The following BEAN1 variants were observed in gnomAD, a reference collection of about 807,000 sequenced individuals.
BEAN1 encodes the protein brain expressed associated with NEDD4 1.
A neutral mutation model predicts 17.7 loss-of-function variants in BEAN1; 17 were observed. The ratio of observed to expected loss-of-function variants is 0.96; its 90% CI spans 0.66 to 1.44. The LOEUF (loss-of-function observed/expected upper bound fraction) is 1.44, where lower values mean the gene tolerates loss of function less well. BEAN1 is among the 40% of genes most tolerant of loss of function. The probability of loss-of-function intolerance (pLI) is 0.00; values close to 1 mark genes in which losing one functional copy is unlikely to be tolerated. For synonymous variants in BEAN1, 142 were observed against 151.8 expected, an observed-to-expected ratio of 0.94 and a Z score of 0.47; for missense variants, 359 against 374.1, an observed-to-expected ratio of 0.96 and a Z score of 0.33.
At chr16:66,478,617 AAAT>A (rs896625268) in intron 4 of BEAN1, among the ~76,000 whole-genome samples, 49 of 152,046 alleles carry the variant, frequency 3.2e-4, no homozygotes, top group African/African-American at 1.2e-3. Context: ...AATAATAATA[AAAT>A]AATAATAATA....
intron 2 of BEAN1, among the ~76,000 whole-genome samples, chr16:66,439,938 T>G (rs1311867781): frequency 1.3e-5 from 2 of 152,056 alleles, no homozygotes; most frequent in Admixed American, 6.5e-5. Flanking sequence ...CAAATTCTTC[T>G]CACATTGTCC....
intron 2 of BEAN1, among the ~76,000 whole-genome samples, chr16:66,439,622 A>G (rs1439724413): frequency 6.6e-6 from 1 of 152,154 alleles, no homozygotes; most frequent in East Asian, 1.9e-4. Context: ...GTGGTCACTG[A>G]CATTCGAGGC....
chr16:66,477,678 G>C lies in BEAN1; in HGVS notation c.408G>C (p.Val136=). The C allele has an allele frequency of 7.7e-6, 12 of 1,550,196 alleles. No homozygotes were observed. Among genetic ancestry groups the C allele is most frequent in the Non-Finnish European group, 9.6e-6 (11 of 1,146,332 alleles). ...ISSDGDVDAT[V]LRELYPDSPP... ...CTGACGGGGACGTGGATGCCACGGT[G>C]CTCAGGGAGCTGTACCCAGATTCTC... The change falls in exon 4 of 5, where the codon GTG becomes GTC. Residue 136 remains valine, a synonymous_variant. Coordinates refer to ENST00000536005, the MANE Select transcript of BEAN1 (RefSeq NM_001178020.3).
At chr16:66,480,560 C>T in intron 4 of BEAN1, 26 bp from the exon 5 acceptor site, 1 of 1,489,522 alleles carries the variant, frequency 6.7e-7, no homozygotes, top group Non-Finnish European at 9.1e-7. Flanking sequence ...CTAGGTGGGG[C>T]ACTGAGGGAG....
chr16:66,441,798 G>C (rs915811440), intron 2 of BEAN1, among the ~76,000 whole-genome samples: 1 of 152,136 alleles, frequency 6.6e-6, no homozygotes, highest in Non-Finnish European at 1.5e-5. Flanking sequence ...GGGGGAGCAG[G>C]CTTGTCCATC....
intron 2 of BEAN1, among the ~76,000 whole-genome samples, chr16:66,463,652 AT>A (rs1366811734): frequency 6.6e-6 from 1 of 152,022 alleles, no homozygotes; most frequent in Non-Finnish European, 1.5e-5. Context: ...ATGTTTATCT[AT>A]TTTTCTTTTG....
intron 4 of BEAN1, among the ~76,000 whole-genome samples, chr16:66,488,250 C>T (rs902143657): frequency 1.3e-5 from 2 of 151,960 alleles, no homozygotes; most frequent in Non-Finnish European, 2.9e-5. Flanking sequence ...TTGGAATGTA[C>T]CAATATGTGG....
At chr16:66,461,249 T>G (rs1963071790) in intron 2 of BEAN1, among the ~76,000 whole-genome samples, 1 of 152,214 alleles carries the variant, frequency 6.6e-6, no homozygotes, top group Non-Finnish European at 1.5e-5. Context: ...TTTATCTTTT[T>G]GATAAAATAG....
In BEAN1 at chr16:66,459,719, C is replaced by T. The variant is rs577894445; in HGVS notation, c.26-9883C>T. Among the ~76,000 whole-genome samples the T allele has an allele frequency of 9.8e-5, 15 of 152,334 alleles. No individual in the cohort carries two copies. In the East Asian group the frequency reaches 2.3e-3, roughly 24 times the overall value. On this transcript the variant is annotated intron_variant, in intron 2 of 4. Coordinates refer to ENST00000536005, the MANE Select transcript of BEAN1 (RefSeq NM_001178020.3). ...CCCCAGCAGGCTTCTCTCCAGCCTC[C>T]TCCTCTCTTGTGATTCCTCAAATGC... is the stretch of plus-strand genomic sequence containing the variant.
At chr16:66,442,630 C>T (rs1892615684) in intron 2 of BEAN1, among the ~76,000 whole-genome samples, 1 of 152,180 alleles carries the variant, frequency 6.6e-6, no homozygotes, top group African/African-American at 2.4e-5. Flanking sequence ...TCCAGTGCAA[C>T]CTGGCCCTGC....
chr16:66,484,295 T>TAGATCTCGGTGGTCG, downstream of BEAN1: 1 of 322,526 alleles, frequency 3.1e-6, no homozygotes, highest in Non-Finnish European at 6.1e-6. This position sits in a 1 kb window ranked among gnomAD's most constrained non-coding sequence, Gnocchi z 4.2. Context: ...AGTGATGGTG[T>TAGATCTCGGTGGTCG]CCAGCCATGT....
At chr16:66,491,451 C>G (rs554174797) in intron 4 of BEAN1, among the ~76,000 whole-genome samples, 5 of 152,332 alleles carry the variant, frequency 3.3e-5, no homozygotes, top group South Asian at 2.1e-4. Flanking sequence ...CTGGGAGAAA[C>G]AGCATGCCCA....
chr16:66,443,082 C>A (rs562117361), intron 2 of BEAN1, among the ~76,000 whole-genome samples: 7 of 152,310 alleles, frequency 4.6e-5, no homozygotes, highest in African/African-American at 1.7e-4. Context: ...GCACTCTTTC[C>A]CACTGAGCTG....
intron 3 of BEAN1, chr16:66,476,165 C>T (rs1217071233): frequency 1.3e-5 from 2 of 151,670 alleles, no homozygotes; most frequent in Non-Finnish European, 2.9e-5. Context: ...GGGTCATGAT[C>T]CTCTGTCATC....
chr16:66,428,982 T>C (rs1249148061), intron 1 of BEAN1, among the ~76,000 whole-genome samples: 7 of 152,162 alleles, frequency 4.6e-5, no homozygotes, highest in Non-Finnish European at 2.9e-5. Context: ...CATCTGACTG[T>C]AAGGTGCACC....
chr16:66,464,423 C>T (rs1268773759), intron 2 of BEAN1, among the ~76,000 whole-genome samples: 1 of 152,022 alleles, frequency 6.6e-6, no homozygotes, highest in East Asian at 1.9e-4. Flanking sequence ...TCACTGCAAA[C>T]TCCGTCTTCC....
intron 1 of BEAN1, among the ~76,000 whole-genome samples, chr16:66,436,094 T>C (rs1962003794): frequency 6.6e-6 from 1 of 152,124 alleles, no homozygotes; most frequent in Non-Finnish European, 1.5e-5. Context: ...ACTCATGATC[T>C]CTGCTCACCA....
intron 2 of BEAN1, among the ~76,000 whole-genome samples, chr16:66,451,673 T>C (rs1962678763): frequency 6.6e-6 from 1 of 152,198 alleles, no homozygotes; most frequent in South Asian, 2.1e-4. Context: ...TTGCTTTGAT[T>C]AGCTCATAGC....
At chr16:66,486,079 A>G (rs1195860561), downstream of BEAN1, 3 of 152,158 alleles carry the variant, frequency 2.0e-5, no homozygotes, top group Non-Finnish European at 4.4e-5. Context: ...GGAAGCCCCA[A>G]GTCTACTTTG....
Sources: allele counts gnomAD v4.1 joint callset (sites outside exome capture counted in the v4.1 genomes callset), GRCh38; gene constraint gnomAD v4.1.1; non-coding constraint Gnocchi (gnomAD v3.1); transcripts MANE v1.5; gene names NCBI Gene and HGNC (gene_info 2026-07-23, HGNC 2026-07-21).